Variants in AMBRA1 observed in about 807,000 individuals in gnomAD.
The protein encoded by AMBRA1 is autophagy and beclin 1 regulator 1.
In AMBRA1, 47 loss-of-function variants were observed where a neutral mutation model predicts 125.4. The ratio of observed to expected loss-of-function variants is 0.37; its 90% CI spans 0.30 to 0.48. The LOEUF is 0.48. AMBRA1 is among the 20% of genes least tolerant of loss of function. The pLI is 0.99. For synonymous variants in AMBRA1, 626 were observed against 655.5 expected (o/e 0.95, Z 0.69); for missense variants, 1,331 against 1,693.4 (o/e 0.79, Z 3.76).
intron 11 of AMBRA1, among the ~76,000 whole-genome samples, chr11:46,470,997 G>A (rs1775507503): frequency 6.6e-6 from 1 of 152,170 alleles, no homozygotes; most frequent in Admixed American, 6.5e-5. Flanking sequence ...AAACAGGGAA[G>A]AGGCATGGAA....
At position 46,542,251 on chromosome 11, in the gene AMBRA1, G is replaced by A. The variant is rs1354825410; in HGVS notation, c.1766C>T (p.Pro589Leu). 1 of 1,613,982 alleles carries A rather than the reference G, an allele frequency of 6.2e-7. No homozygotes were observed. Among genetic ancestry groups the A allele is most frequent in the Non-Finnish European group, 8.5e-7 (1 of 1,180,042 alleles). Residue 589 changes from proline (P) to leucine (L), a missense_variant, in exon 7 of 18, where the codon CCT (proline) becomes CTT (leucine). Pro to Leu is a moderately conservative substitution (Grantham distance 98, BLOSUM62 -3). Transcript: ENST00000683756. The surrounding 1 kb of genome is among the most constrained non-coding windows in gnomAD (Gnocchi z 5.9). ...NDTLRWERTT[P>L]NYSSGEASSS... ...ACTAGCCTCGCCAGAGGAGTAGTTAGGTGTGGTTCTTTCCCAGCGCAGGGT... is the reference window on the plus strand; with the variant it reads ...ACTAGCCTCGCCAGAGGAGTAGTTAAGTGTGGTTCTTTCCCAGCGCAGGGT...
chr11:46,499,532 T>C (rs1197044789), intron 9 of AMBRA1, among the ~76,000 whole-genome samples: 1 of 152,246 alleles, frequency 6.6e-6, no homozygotes, highest in Non-Finnish European at 1.5e-5. Flanking sequence ...AGGTAAAGTA[T>C]GTATTTTACA....
intron 11 of AMBRA1, among the ~76,000 whole-genome samples, chr11:46,453,534 T>C (rs1948717173): frequency 6.6e-6 from 1 of 152,222 alleles, no homozygotes; most frequent in Admixed American, 6.5e-5. Context: ...GAAAATATAC[T>C]GTGTGGAAAA....
At chr11:46,407,056 G>A (rs1011776209) in intron 17 of AMBRA1, among the ~76,000 whole-genome samples, 2 of 152,192 alleles carry the variant, frequency 1.3e-5, no homozygotes, top group Admixed American at 1.3e-4. Flanking sequence ...GCACATGCCT[G>A]TAATCCCAGC....
At chr11:46,546,033 CTTTTTT>C (rs35703280) in intron 4 of AMBRA1, 40 of 139,156 alleles carry the variant, frequency 2.9e-4, no homozygotes, top group Middle Eastern at 3.1e-3. Context: ...GTTCCTATTT[CTTTTTT>C]TTTTTTTTTT....
chr11:46,504,320 T>C (rs1476294650), intron 9 of AMBRA1, among the ~76,000 whole-genome samples: 1 of 152,234 alleles, frequency 6.6e-6, no homozygotes, highest in Non-Finnish European at 1.5e-5. Context: ...CTACGGGCCA[T>C]AGCACTTAAC....
chr11:46,461,459 C>T lies in AMBRA1; in HGVS notation c.2522-17861G>A, dbSNP rs539022607. 1.2e-4 allele frequency among the ~76,000 whole-genome samples: 19 copies of T among 152,198 alleles called. No homozygotes were observed. In the East Asian group the frequency reaches 3.1e-3, roughly 25 times the overall value. ...TCACAATAGGAAGGAAGGAAGCAAA[C>T]GAAAGCAAACAACTGGGAATACAAA... On this transcript the variant is annotated intron_variant, in intron 11 of 17. Transcript: ENST00000683756.
At chr11:46,416,066 T>C (rs559791800) in intron 15 of AMBRA1, among the ~76,000 whole-genome samples, 2 of 152,198 alleles carry the variant, frequency 1.3e-5, no homozygotes, top group East Asian at 3.9e-4. Flanking sequence ...GTGGAAGCCA[T>C]AGACAAAACA....
Position 46,397,113 on chromosome 11 carries a change from G to T in AMBRA1, c.*337C>A. 4.7e-6 allele frequency: 1 copy of T among 212,418 alleles called. No individual in the cohort carries two copies. The highest frequency in any genetic ancestry group is 9.3e-6 in the Non-Finnish European group (1 of 108,080). 13.2% of individuals were successfully genotyped at this position (212,418 alleles called of 1,614,324 possible). On this transcript the variant is annotated 3_prime_UTR_variant, in exon 18 of 18. Transcript: ENST00000683756. ...AGATCTGGAAGACTGTTCACTCTCT[G>T]GAGGCTCTCTGTCCAGGGCTGAGTC...
At chr11:46,585,695 A>AAATATATATAT (rs1555017410) in intron 1 of AMBRA1, among the ~76,000 whole-genome samples, 1 of 22,912 alleles carries the variant, frequency 4.4e-5, no homozygotes, top group African/African-American at 1.8e-4. Flanking sequence ...AAAAAAAAAA[A>AAATATATATAT]ATATATATAT....
intron 17 of AMBRA1, among the ~76,000 whole-genome samples, chr11:46,403,692 A>G (rs1350128236): frequency 6.6e-6 from 1 of 152,210 alleles, no homozygotes; most frequent in Admixed American, 6.5e-5. Context: ...TGAACATGCA[A>G]AAAAGCTGAC....
At chr11:46,404,067 G>A (rs907839622) in intron 17 of AMBRA1, among the ~76,000 whole-genome samples, 1 of 152,178 alleles carries the variant, frequency 6.6e-6, no homozygotes, top group Admixed American at 6.5e-5. Flanking sequence ...TTAGCCAGGC[G>A]TGGTGGCGTG....
chr11:46,536,617 C>T (rs1952491961), intron 7 of AMBRA1, among the ~76,000 whole-genome samples: 1 of 152,172 alleles, frequency 6.6e-6, no homozygotes, highest in Admixed American at 6.6e-5. Context: ...CTTTTGTGGA[C>T]CTACAATCAG....
intron 11 of AMBRA1, among the ~76,000 whole-genome samples, chr11:46,488,270 A>G (rs892510791): frequency 5.9e-5 from 9 of 152,164 alleles, no homozygotes; most frequent in Admixed American, 5.2e-4. Flanking sequence ...AGCCTGGCCA[A>G]TATGGTGAAA....
At chr11:46,492,078 G>T (rs773442446) in intron 11 of AMBRA1, among the ~76,000 whole-genome samples, 16 of 152,148 alleles carry the variant, frequency 1.1e-4, no homozygotes, top group Non-Finnish European at 2.2e-4. Context: ...AAGCTTTAAC[G>T]TGCCTTCGGT....
intron 1 of AMBRA1, among the ~76,000 whole-genome samples, chr11:46,562,043 T>C (rs999086321): frequency 6.6e-6 from 1 of 152,212 alleles, no homozygotes; most frequent in Non-Finnish European, 1.5e-5. Context: ...ATGTGATTTT[T>C]ATATAATTAA....
chr11:46,570,875 G>A (rs1394755716), intron 1 of AMBRA1, among the ~76,000 whole-genome samples: 2 of 152,078 alleles, frequency 1.3e-5, no homozygotes, highest in African/African-American at 4.8e-5. Flanking sequence ...ACTACACGAT[G>A]CAGCAAGCCC....
Position 46,493,637 on chromosome 11 carries a change from G to A in AMBRA1, c.2492C>T (p.Thr831Ile). 6.2e-7 allele frequency: 1 copy of A among 1,604,772 alleles called. No homozygotes were observed. The highest frequency in any genetic ancestry group is 8.5e-7 in the Non-Finnish European group (1 of 1,177,436). Residue 831 changes from threonine (T) to isoleucine (I), a missense_variant, in exon 11 of 18, where the codon ACT becomes ATT. Coordinates refer to ENST00000683756, the MANE Select transcript of AMBRA1 (RefSeq NM_001387011.1). ...FHERGQPGLATHSSVNRVLAG... is the reference protein window; with the variant it reads ...FHERGQPGLAIHSSVNRVLAG... ...CAGGACCCTGTTAACAGAAGAGTGAGTAGCCAAGCCAGGCTGTCCACGTTC... is the reference window on the plus strand; with the variant it reads ...CAGGACCCTGTTAACAGAAGAGTGAATAGCCAAGCCAGGCTGTCCACGTTC...
chr11:46,506,924 G>C (rs1565229815), intron 9 of AMBRA1, among the ~76,000 whole-genome samples: 1 of 151,798 alleles, frequency 6.6e-6, no homozygotes, highest in Non-Finnish European at 1.5e-5. Flanking sequence ...CCAGCACTTT[G>C]GGAGGCCAAG....
Sources: allele counts gnomAD v4.1 joint callset (sites outside exome capture counted in the v4.1 genomes callset), GRCh38; gene constraint gnomAD v4.1.1; non-coding constraint Gnocchi (gnomAD v3.1); transcripts MANE v1.5; gene names NCBI Gene and HGNC (gene_info 2026-07-23, HGNC 2026-07-21).